The following GSK3B variants were observed in gnomAD, a reference collection of about 807,000 sequenced individuals.
The protein encoded by GSK3B is glycogen synthase kinase-3 beta.
Under a neutral mutation model 56.4 loss-of-function variants are expected in GSK3B, and 15 were observed. The ratio of observed to expected loss-of-function variants is 0.27; its 90% CI spans 0.18 to 0.41. GSK3B has a LOEUF of 0.41. GSK3B is among the 10% of genes least tolerant of loss of function. The pLI is 1.00. For missense variants in GSK3B, 300 were observed against 513.4 expected (o/e 0.58, Z 4.02); for synonymous variants, 181 against 188.9 (o/e 0.96, Z 0.34).
At chr3:119,862,332 C>A (rs1428006978) in intron 9 of GSK3B, among the ~76,000 whole-genome samples, 2 of 116,912 alleles carry the variant, frequency 1.7e-5, no homozygotes, top group African/African-American at 3.3e-5. Flanking sequence ...AATGAGATCA[C>A]ATGGACACAG....
At chr3:120,032,474 CG>C (rs1559884231) in intron 1 of GSK3B, among the ~76,000 whole-genome samples, 1 of 135,026 alleles carries the variant, frequency 7.4e-6, no homozygotes, top group Non-Finnish European at 1.6e-5. Context: ...GACTCCGTCT[CG>C]GAAAAAAAAA....
intron 2 of GSK3B, among the ~76,000 whole-genome samples, chr3:119,979,602 A>T (rs2057441503): frequency 6.6e-6 from 1 of 152,228 alleles, no homozygotes; most frequent in Non-Finnish European, 1.5e-5. Flanking sequence ...CTTGTCACAG[A>T]TCAAAACTAT....
intron 7 of GSK3B, among the ~76,000 whole-genome samples, chr3:119,892,470 C>A (rs1285755772): frequency 6.6e-6 from 1 of 152,156 alleles, no homozygotes; most frequent in East Asian, 1.9e-4. Flanking sequence ...AGAAGGCTTT[C>A]CAGACAGCAC....
At chr3:119,930,314 T>C (rs75020341) in intron 3 of GSK3B, among the ~76,000 whole-genome samples, 3,933 of 152,172 alleles carry the variant, frequency 0.026, 173 homozygotes, top group African/African-American at 0.089. Context: ...AAGCAACATA[T>C]GTAAAAGTGT....
At chr3:119,847,168 T>G (rs1396345036) in intron 9 of GSK3B, among the ~76,000 whole-genome samples, 1 of 151,980 alleles carries the variant, frequency 6.6e-6, no homozygotes, top group Non-Finnish European at 1.5e-5. Flanking sequence ...GGGATAGCAT[T>G]AGGAGAAATA....
intron 2 of GSK3B, among the ~76,000 whole-genome samples, chr3:119,962,981 T>G (rs1484180109): frequency 6.6e-6 from 1 of 152,160 alleles, no homozygotes; most frequent in Non-Finnish European, 1.5e-5. Flanking sequence ...TGTTGCTGTG[T>G]GGCCTGGTTC....
chr3:120,090,705 C>T (rs1212428684), intron 1 of GSK3B, among the ~76,000 whole-genome samples: 2 of 152,134 alleles, frequency 1.3e-5, no homozygotes, highest in South Asian at 2.1e-4. Flanking sequence ...CCTAAAAAGG[C>T]TCTAGCATCT....
chr3:119,981,226 G>A lies in GSK3B; in HGVS notation c.282+20820C>T, dbSNP rs141177552. 8.2e-3 allele frequency among the ~76,000 whole-genome samples: 1,254 copies of A among 152,290 alleles called. 9 individuals carry two copies. The highest frequency in any genetic ancestry group is 0.02 in the Middle Eastern group (6 of 294). The stretch of plus-strand genomic sequence containing the variant: ...GTAAAGTTTACTAAAAGTTAACAGC[G>A]TAGCCAAGATGGCCGAATAGGAACA... On this transcript the variant is annotated intron_variant, in intron 2 of 10. Coordinates refer to ENST00000264235, the MANE Select transcript of GSK3B (RefSeq NM_001146156.2).
chr3:119,865,545 C>T (rs1441875869), intron 8 of GSK3B, among the ~76,000 whole-genome samples: 1 of 142,518 alleles, frequency 7.0e-6, no homozygotes, highest in East Asian at 2.1e-4. Flanking sequence ...TCTTGGCTCA[C>T]TGCAAGCTCT....
chr3:119,868,446 T>C (rs1052538952), intron 8 of GSK3B, among the ~76,000 whole-genome samples: 5 of 152,244 alleles, frequency 3.3e-5, no homozygotes, highest in African/African-American at 1.2e-4. Context: ...CTACATGTCC[T>C]AGAATAGACT....
intron 1 of GSK3B, among the ~76,000 whole-genome samples, chr3:120,066,925 T>C (rs1576306620): frequency 6.6e-6 from 1 of 152,166 alleles, no homozygotes; most frequent in African/African-American, 2.4e-5. Context: ...GCGGTGTCTA[T>C]TCTTTTGGGT....
chr3:119,939,268 C>T (rs2057024496), intron 3 of GSK3B, among the ~76,000 whole-genome samples: 1 of 152,058 alleles, frequency 6.6e-6, no homozygotes, highest in African/African-American at 2.4e-5. Flanking sequence ...TTGGGCAAGG[C>T]TAGAACATAG....
At chr3:119,956,747 G>A (rs2057218173) in intron 2 of GSK3B, among the ~76,000 whole-genome samples, 1 of 152,130 alleles carries the variant, frequency 6.6e-6, no homozygotes, top group Admixed American at 6.6e-5. Context: ...AAAAGATTCT[G>A]GAGAATATCA....
intron 7 of GSK3B, among the ~76,000 whole-genome samples, chr3:119,879,905 T>C (rs1160247380): frequency 2.0e-5 from 3 of 152,188 alleles, no homozygotes; most frequent in Non-Finnish European, 4.4e-5. Context: ...ATCTTGGCTA[T>C]TGTGAAGAGT....
At chr3:120,074,848 A>T (rs2058356427) in intron 1 of GSK3B, among the ~76,000 whole-genome samples, 1 of 152,216 alleles carries the variant, frequency 6.6e-6, no homozygotes, top group Admixed American at 6.5e-5. Context: ...TAAGAATACC[A>T]ATACTACTTA....
chr3:119,919,660 G>A (rs139947753), intron 4 of GSK3B, among the ~76,000 whole-genome samples: 236 of 151,928 alleles, frequency 1.6e-3, no homozygotes, highest in Middle Eastern at 3.4e-3. Context: ...AATACAGGAT[G>A]CCAGATATCT....
At chr3:119,889,627 G>A (rs1353098669) in intron 7 of GSK3B, among the ~76,000 whole-genome samples, 3 of 152,028 alleles carry the variant, frequency 2.0e-5, no homozygotes, top group African/African-American at 7.2e-5. Context: ...AAAAGAGGGG[G>A]AAAAACAGAG....
rs762257490 is a variant in GSK3B at position 119,876,528 on chromosome 3, T to C, written c.814-20A>G. The C allele has an allele frequency of 7.7e-7, 1 of 1,298,404 alleles. No homozygotes were observed. Among genetic ancestry groups the C allele is most frequent in the Admixed American group, 1.7e-5 (1 of 58,272 alleles). The allele number at this position is 1,298,404 out of a possible 1,614,324, so 80.4% of individuals were successfully genotyped here. On this transcript the variant is annotated intron_variant, in intron 7 of 10. Transcript: ENST00000264235. ...CAGGACCTAGAAAGAAAGCAAGTTA[T>C]TGCCATCTTTTCCTATATATTTACA...
At chr3:119,870,991 C>T (rs2056243782) in intron 8 of GSK3B, among the ~76,000 whole-genome samples, 1 of 151,934 alleles carries the variant, frequency 6.6e-6, no homozygotes, top group South Asian at 2.1e-4. Context: ...TGTTTTGTGC[C>T]CTCTAGGCCT....
Sources: gnomAD v4.1 joint callset for allele counts (sites outside exome capture counted in the v4.1 genomes callset) on GRCh38, gnomAD v4.1.1 for gene constraint, MANE v1.5 for transcripts, NCBI Gene and HGNC (gene_info 2026-07-23, HGNC 2026-07-21) for gene names.